Variants in LRRC7 observed in about 807,000 individuals in gnomAD.
The protein encoded by LRRC7 is leucine-rich repeat-containing protein 7.
In LRRC7, 23 loss-of-function variants were observed where a neutral mutation model predicts 175.7. The ratio of observed to expected loss-of-function variants is 0.13; its 90% confidence interval spans 0.09 to 0.19. The LOEUF (loss-of-function observed/expected upper bound fraction) is 0.19, where lower values mean the gene tolerates loss of function less well. Ranked by LOEUF, LRRC7 falls within the 10% of genes least tolerant of loss-of-function variation. The pLI is 1.00. For missense variants in LRRC7, 1,354 were observed against 1,904.7 expected (o/e 0.71, Z 5.38); for synonymous variants, 685 against 680.9 (o/e 1.01, Z -0.09).
intron 5 of LRRC7, 22 bp downstream of exon 5, chr1:69,825,848 T>G (rs765951833): frequency 1.1e-5 from 15 of 1,421,518 alleles, no homozygotes; most frequent in Non-Finnish European, 1.5e-5. Context: ...TGATTAAATT[T>G]TATTTGTATT....
chr1:69,605,674 G>C (rs896019956), intron 1 of LRRC7, among the ~76,000 whole-genome samples: 1 of 152,090 alleles, frequency 6.6e-6, no homozygotes, highest in Non-Finnish European at 1.5e-5. Flanking sequence ...TCAGGTACTG[G>C]AGCACAGTTC....
rs12563636 is a variant in LRRC7 at position 69,753,357 on chromosome 1, G to A, written c.101-6834G>A. Among the ~76,000 whole-genome samples, 23 of 148,616 alleles carry A rather than the reference G, an allele frequency of 1.5e-4. No homozygotes were observed. The East Asian group carries it at 2.7e-3, about 17-fold the overall frequency. ...TACTTCTGGTAAATTCATGTCTGTA[G>A]ATTCTTATATGCTGATCTATAAATA... On this transcript the variant is annotated intron_variant, in intron 2 of 26. Transcript: ENST00000651989.
chr1:69,961,070 T>A (rs941790673), intron 8 of LRRC7, among the ~76,000 whole-genome samples: 1 of 152,142 alleles, frequency 6.6e-6, no homozygotes, highest in South Asian at 2.1e-4. Flanking sequence ...CATGATCCTA[T>A]ATCTAGAAAA....
At chr1:69,766,899 T>C (rs1481524091) in intron 3 of LRRC7, among the ~76,000 whole-genome samples, 2 of 152,196 alleles carry the variant, frequency 1.3e-5, no homozygotes, top group Admixed American at 1.3e-4. Flanking sequence ...TTTGTCGAGA[T>C]GCAATTTACA....
chr1:69,709,013 A>G (rs917005316), intron 2 of LRRC7, among the ~76,000 whole-genome samples: 1 of 152,220 alleles, frequency 6.6e-6, no homozygotes, highest in African/African-American at 2.4e-5. Context: ...TATCCGATCT[A>G]CTACAAAAAG....
At chr1:69,828,082 T>C (rs954062972) in intron 5 of LRRC7, among the ~76,000 whole-genome samples, 7 of 152,204 alleles carry the variant, frequency 4.6e-5, no homozygotes, top group African/African-American at 1.7e-4. Context: ...TTGAAATTTA[T>C]TTGTAATTTT....
intron 7 of LRRC7, chr1:69,919,343 C>T (rs1167025628): frequency 3.4e-6 from 2 of 595,744 alleles, no homozygotes; most frequent in Non-Finnish European, 6.0e-6. Flanking sequence ...AAAACAAGAG[C>T]GTGAGGAGGA....
At chr1:69,818,174 A>G (rs994211712) in intron 4 of LRRC7, among the ~76,000 whole-genome samples, 2 of 152,114 alleles carry the variant, frequency 1.3e-5, no homozygotes, top group Non-Finnish European at 2.9e-5. Context: ...AAGAGTGATC[A>G]TCCTTGTCAT....
chr1:70,034,867 C>T (rs948116425), intron 18 of LRRC7, among the ~76,000 whole-genome samples: 12 of 152,136 alleles, frequency 7.9e-5, no homozygotes, highest in Non-Finnish European at 1.5e-4. Context: ...ACAAACCTAA[C>T]CCAAAAGAAT....
In LRRC7 at chr1:69,603,426, TTAAG is replaced by T. The variant is rs1278400890; in HGVS notation, c.2+34788_2+34791del. 2.0e-5 allele frequency among the ~76,000 whole-genome samples: 3 copies of T among 152,188 alleles called. No homozygotes were observed. The East Asian group carries it at 5.8e-4, about 29-fold the overall frequency. On this transcript the variant is annotated intron_variant, in intron 1 of 26. Coordinates refer to ENST00000651989, the MANE Select transcript of LRRC7 (RefSeq NM_001370785.2). Reference sequence around the variant, plus strand: ...CTCCCTTGCATCTTAGGAAAACAGTTTAAGTATGAAGTATTTTGCAAATAATTTA... The same window carrying T: ...CTCCCTTGCATCTTAGGAAAACAGTTTATGAAGTATTTTGCAAATAATTTA...
intron 17 of LRRC7, among the ~76,000 whole-genome samples, chr1:70,026,215 T>G (rs994970591): frequency 6.6e-6 from 1 of 152,160 alleles, no homozygotes; most frequent in African/African-American, 2.4e-5. Flanking sequence ...GTTGGGGATT[T>G]TTTAAGTTGC....
intron 17 of LRRC7, 109 bp from the exon 18 acceptor site, chr1:70,028,062 C>T (rs541185047): frequency 8.9e-5 from 83 of 937,048 alleles, no homozygotes; most frequent in Middle Eastern, 3.4e-4. Flanking sequence ...GCCAGCTCAA[C>T]ACTCACTGTA....
At chr1:70,012,673 A>C (rs550589024) in intron 12 of LRRC7, among the ~76,000 whole-genome samples, 89 of 151,810 alleles carry the variant, frequency 5.9e-4, no homozygotes, top group African/African-American at 2.1e-3. Context: ...TCACTTCGAC[A>C]GACAAAATTA....
intron 22 of LRRC7, among the ~76,000 whole-genome samples, chr1:70,044,883 T>G (rs1407958402): frequency 6.6e-6 from 1 of 152,174 alleles, no homozygotes; most frequent in Non-Finnish European, 1.5e-5. Context: ...ATTATGCCTA[T>G]ATATTTATAT....
chr1:69,658,109 G>A (rs1293063149), intron 1 of LRRC7, among the ~76,000 whole-genome samples: 1 of 151,724 alleles, frequency 6.6e-6, no homozygotes, highest in African/African-American at 2.4e-5. Flanking sequence ...AAAAACTAGG[G>A]TTAACAGAAG....
chr1:69,580,398 A>G (rs1646147194), intron 1 of LRRC7, among the ~76,000 whole-genome samples: 1 of 152,190 alleles, frequency 6.6e-6, no homozygotes, highest in Non-Finnish European at 1.5e-5. Context: ...ACATCAACCT[A>G]TTTGAGAAAA....
intron 1 of LRRC7, among the ~76,000 whole-genome samples, chr1:69,652,316 CA>C (rs1302307097): frequency 1.3e-5 from 2 of 151,886 alleles, no homozygotes; most frequent in Non-Finnish European, 2.9e-5. Flanking sequence ...AATCAACACA[CA>C]AAAAATAAAT....
At chr1:69,686,507 T>C (rs555228335) in intron 2 of LRRC7, among the ~76,000 whole-genome samples, 42 of 152,306 alleles carry the variant, frequency 2.8e-4, no homozygotes, top group Admixed American at 1.2e-3. Flanking sequence ...TCTACTTCAC[T>C]TGAAATGGTA....
At position 70,143,109 on chromosome 1, in the gene LRRC7, A is replaced by C. The variant is rs1667140854; in HGVS notation, c.*21222A>C. On this transcript the variant is annotated 3_prime_UTR_variant, in exon 27 of 27. Transcript: ENST00000651989. Reference sequence around the variant, plus strand: ...TCAGCTCATATAATTCAGTTAGTGAAATATTTCACTCTTCTGTAAGTTTAA... The same window carrying C: ...TCAGCTCATATAATTCAGTTAGTGACATATTTCACTCTTCTGTAAGTTTAA... 6.6e-6 allele frequency: 1 copy of C among 151,970 alleles called. No individual in the cohort carries two copies. The highest frequency in any genetic ancestry group is 1.5e-5 in the Non-Finnish European group (1 of 67,976). The allele number at this position is 151,970 out of a possible 1,614,324, so 9.4% of individuals were successfully genotyped here. A position where few individuals can be genotyped will look rare whatever the true frequency, so the allele number is the denominator to read the frequency against.
Sources: gnomAD v4.1 joint callset for allele counts (sites outside exome capture counted in the v4.1 genomes callset) on GRCh38, gnomAD v4.1.1 for gene constraint, MANE v1.5 for transcripts, NCBI Gene and HGNC (gene_info 2026-07-23, HGNC 2026-07-21) for gene names.